Variants in ATRNL1 observed in about 807,000 individuals in gnomAD.
The protein encoded by ATRNL1 is attractin-like protein 1.
In ATRNL1, 95 loss-of-function variants were observed where a neutral mutation model predicts 182.7. The ratio of observed to expected loss-of-function variants is 0.52; its 90% CI spans 0.44 to 0.62. The LOEUF (loss-of-function observed/expected upper bound fraction) is 0.62. Ranked by LOEUF, ATRNL1 falls within the 20% of genes least tolerant of loss-of-function variation. ATRNL1 has a pLI of 0.00. For synonymous variants in ATRNL1, 576 were observed against 568.3 expected (o/e 1.01, Z -0.19); for missense variants, 1,471 against 1,679.5 (o/e 0.88, Z 2.17).
chr10:115,221,507 A>G (rs1299648459), intron 9 of ATRNL1, among the ~76,000 whole-genome samples: 1 of 152,154 alleles, frequency 6.6e-6, no homozygotes, highest in Non-Finnish European at 1.5e-5. Flanking sequence ...AAAAATTAGG[A>G]ATTTTATTTG....
chr10:115,189,374 A>G (rs999734562), intron 8 of ATRNL1, among the ~76,000 whole-genome samples: 10 of 152,120 alleles, frequency 6.6e-5, no homozygotes, highest in African/African-American at 2.4e-4. Context: ...AGCCTTAGGC[A>G]GGAGGTATTC....
Position 115,266,960 on chromosome 10 carries a change from G to T in ATRNL1, c.1936G>T (p.Gly646Trp), listed in dbSNP as rs1235667975. 6.2e-7 allele frequency: 1 copy of T among 1,611,816 alleles called. No individual in the cohort carries two copies. The highest frequency in any genetic ancestry group is 1.1e-5 in the South Asian group (1 of 91,008). The change falls in exon 12 of 29, where the codon GGG becomes TGG. Residue 646 changes from glycine to tryptophan, a missense_variant. Around this residue, in one of 3 missense-constraint regions of ATRNL1, gnomAD observed 1,031 missense variants for 1,156.0 expected, o/e 0.89. Transcript: ENST00000355044. ...NKNHCESWES[G>W]NTNNILRAKC... ...AAATCACTGTGAATCTTGGGAATCT[G>T]GGAATACTAATAATATTCTTAGAGC... is the stretch of plus-strand genomic sequence containing the variant.
intron 25 of ATRNL1, among the ~76,000 whole-genome samples, chr10:115,541,491 A>G (rs950746682): frequency 6.6e-6 from 1 of 152,218 alleles, no homozygotes; most frequent in Non-Finnish European, 1.5e-5. Context: ...AGTTGACATT[A>G]TATTCTAAAG....
intron 24 of ATRNL1, among the ~76,000 whole-genome samples, chr10:115,518,892 G>A (rs1850772084): frequency 1.3e-5 from 2 of 149,802 alleles, no homozygotes; most frequent in African/African-American, 4.9e-5. Context: ...TATATATGAA[G>A]CTTCCCCAGA....
intron 1 of ATRNL1, among the ~76,000 whole-genome samples, chr10:115,098,270 T>A (rs1554863649): frequency 1.3e-5 from 2 of 152,068 alleles, no homozygotes; most frequent in Non-Finnish European, 2.9e-5. Flanking sequence ...ATTTGGCCCC[T>A]TTAGCTGATT....
intron 25 of ATRNL1, among the ~76,000 whole-genome samples, chr10:115,523,291 G>A (rs1278823916): frequency 6.6e-6 from 1 of 152,138 alleles, no homozygotes; most frequent in Non-Finnish European, 1.5e-5. Context: ...TGGGCTCTTG[G>A]TCTGTGATGG....
intron 19 of ATRNL1, among the ~76,000 whole-genome samples, chr10:115,362,157 C>CT (rs1277532251): frequency 2.6e-5 from 4 of 151,748 alleles, no homozygotes; most frequent in Admixed American, 6.6e-5. Context: ...AAATCTAGGG[C>CT]TTTTTTGTGA....
At chr10:115,910,475 G>A (rs1952641489) in intron 28 of ATRNL1, among the ~76,000 whole-genome samples, 1 of 152,016 alleles carries the variant, frequency 6.6e-6, no homozygotes, top group Admixed American at 6.6e-5. Flanking sequence ...CAGTAACTGA[G>A]CCACCCCCCA....
At chr10:115,143,114 G>C (rs1003743488) in intron 5 of ATRNL1, among the ~76,000 whole-genome samples, 1 of 152,096 alleles carries the variant, frequency 6.6e-6, no homozygotes, top group African/African-American at 2.4e-5. Flanking sequence ...TGATGAAATT[G>C]GATGAGATTA....
intron 22 of ATRNL1, among the ~76,000 whole-genome samples, chr10:115,464,998 T>A (rs545071113): frequency 6.7e-6 from 1 of 149,568 alleles, no homozygotes; most frequent in Non-Finnish European, 1.5e-5. Flanking sequence ...GAAACCAAAG[T>A]TTTTTTTCCA....
chr10:115,449,982 A>G (rs1554967351), intron 21 of ATRNL1, among the ~76,000 whole-genome samples: 1 of 152,212 alleles, frequency 6.6e-6, no homozygotes, highest in Admixed American at 6.5e-5. Context: ...CATCCCCAGG[A>G]TGCAAGATTG....
rs763110655 is a variant in ATRNL1, at chr10:115,249,577, C to CT, written c.1687+7853dup. Reference sequence around the variant, plus strand: ...ATTTGGGTTTGAGAGAACAGTAACTCTAATTTTTTGATCTTATGTGTATTG... The same window carrying CT: ...ATTTGGGTTTGAGAGAACAGTAACTCTTAATTTTTTGATCTTATGTGTATTG... On this transcript the variant is annotated intron_variant, in intron 10 of 28. Coordinates refer to ENST00000355044, the MANE Select transcript of ATRNL1 (RefSeq NM_207303.4). 1.8e-3 allele frequency among the ~76,000 whole-genome samples: 278 copies of CT among 152,048 alleles called. 1 individual carries two copies. The highest frequency in any genetic ancestry group is 0.017 in the Admixed American group (254 of 15,276).
At chr10:115,420,336 G>A (rs782471832) in intron 20 of ATRNL1, among the ~76,000 whole-genome samples, 7 of 152,098 alleles carry the variant, frequency 4.6e-5, no homozygotes, top group Non-Finnish European at 7.4e-5. Flanking sequence ...GAGCCATGGC[G>A]GCCTGGCCTC....
At chr10:115,569,158 AT>A (rs1854238244) in intron 26 of ATRNL1, among the ~76,000 whole-genome samples, 1 of 152,144 alleles carries the variant, frequency 6.6e-6, no homozygotes, top group Admixed American at 6.5e-5. Context: ...TCTACTACAT[AT>A]TACTCTTGTC....
chr10:115,644,744 T>A (rs1446300423), intron 26 of ATRNL1, among the ~76,000 whole-genome samples: 11 of 152,166 alleles, frequency 7.2e-5, no homozygotes. Flanking sequence ...TCAATGCCTC[T>A]CCTCATCTGT....
At chr10:115,439,584 C>T (rs186102560) in intron 21 of ATRNL1, among the ~76,000 whole-genome samples, 213 of 151,632 alleles carry the variant, frequency 1.4e-3, no homozygotes, top group African/African-American at 4.9e-3. Flanking sequence ...AGTAATGCAC[C>T]CCGAAAGATG....
intron 25 of ATRNL1, among the ~76,000 whole-genome samples, chr10:115,547,604 A>C (rs1308081358): frequency 6.6e-6 from 1 of 152,198 alleles, no homozygotes; most frequent in Non-Finnish European, 1.5e-5. Flanking sequence ...AGTGAATTTT[A>C]AGGAATATCC....
At chr10:115,759,258 G>T (rs1948670972) in intron 27 of ATRNL1, among the ~76,000 whole-genome samples, 1 of 152,132 alleles carries the variant, frequency 6.6e-6, no homozygotes, top group South Asian at 2.1e-4. Context: ...CTCAACTAGT[G>T]ACACTAGTGA....
rs536449531 is a variant in ATRNL1 at position 115,288,879 on chromosome 10, T to C, written c.2415+2482T>C. Among the ~76,000 whole-genome samples, 16 of 150,138 alleles carry C rather than the reference T, an allele frequency of 1.1e-4. No homozygotes were observed. The South Asian group carries it at 1.9e-3, about 18-fold the overall frequency. On this transcript the variant is annotated intron_variant, in intron 15 of 28. Transcript: ENST00000355044. ...ATCATTTGTTCTTTTCTAATTCAGA[T>C]TGTGGTTCTTTTGCTGTTGAAATTT...
Sources: gnomAD v4.1 joint callset for allele counts (sites outside exome capture counted in the v4.1 genomes callset) on GRCh38, gnomAD v4.1.1 for gene constraint, gnomAD v4.1.1 regional missense constraint, MANE v1.5 for transcripts, NCBI Gene and HGNC (gene_info 2026-07-23, HGNC 2026-07-21) for gene names.